The following BTG4 variants were observed in gnomAD, a reference collection of about 807,000 sequenced individuals.
BTG4 encodes protein BTG4.
BTG4 carries 10 observed loss-of-function variants against 19.3 expected under a neutral mutation model. That is an observed-to-expected ratio of 0.52 (90% CI 0.32 to 0.88). BTG4 has a LOEUF of 0.88. BTG4 is among the 40% of genes least tolerant of loss of function. The probability of loss-of-function intolerance (pLI) is 0.04; values close to 1 mark genes in which losing one functional copy is unlikely to be tolerated. For missense variants in BTG4, 238 were observed against 281.9 expected (o/e 0.84, Z 1.11); for synonymous variants, 91 against 95.7 (o/e 0.95, Z 0.29).
chr11:111,512,932 T>C (rs1430092493), upstream of BTG4: 3 of 445,058 alleles, frequency 6.7e-6, no homozygotes, highest in African/African-American at 4.2e-5. Context: ...CAGCCGCGGG[T>C]GCCCGGTGCT....
chr11:111,401,224 C>T, the BTG4 span, among the ~76,000 whole-genome samples: 17 of 152,114 alleles, frequency 1.1e-4, no homozygotes, highest in Non-Finnish European at 2.1e-4. Flanking sequence ...CAGTGGCTCA[C>T]GCCTGTAATC....
At chr11:111,501,290 G>C (rs1227659986) in intron 1 of BTG4, among the ~76,000 whole-genome samples, 1 of 152,118 alleles carries the variant, frequency 6.6e-6, no homozygotes, top group Non-Finnish European at 1.5e-5. Context: ...CTTGAGCCCA[G>C]AAGTTTGAGG....
intron 5 of BTG4, among the ~76,000 whole-genome samples, chr11:111,489,083 T>C (rs1243695046): frequency 6.6e-6 from 1 of 151,286 alleles, no homozygotes; most frequent in Non-Finnish European, 1.5e-5. Flanking sequence ...GCAGACGTTG[T>C]GGCGAACTGA....
At chr11:111,432,358 A>G in the BTG4 span, among the ~76,000 whole-genome samples, 3 of 152,226 alleles carry the variant, frequency 2.0e-5, no homozygotes, top group African/African-American at 7.2e-5. Flanking sequence ...TAAAGAAAAT[A>G]ACAGGCCAAG....
At chr11:111,423,702 C>T in the BTG4 span, among the ~76,000 whole-genome samples, 2 of 152,182 alleles carry the variant, frequency 1.3e-5, no homozygotes, top group African/African-American at 2.4e-5. Flanking sequence ...ATTTAATACA[C>T]AAAAACAATG....
At chr11:111,485,358 CA>C (rs1406815610) in intron 5 of BTG4, among the ~76,000 whole-genome samples, 1 of 152,078 alleles carries the variant, frequency 6.6e-6, no homozygotes, top group African/African-American at 2.4e-5. Flanking sequence ...TGTTAGGCCA[CA>C]AAACAAGTCT....
At chr11:111,404,483 C>A in the BTG4 span, 1 of 420,818 alleles carries the variant, frequency 2.4e-6, no homozygotes, top group South Asian at 1.7e-5. Flanking sequence ...TTTTCTAGGT[C>A]CCTAGAGAGG....
chr11:111,396,687 A>G, the BTG4 span: 1 of 152,258 alleles, frequency 6.6e-6, no homozygotes, highest in Non-Finnish European at 1.5e-5. Context: ...AGACTTGCCC[A>G]ATACGTATAC....
At chr11:111,478,666 A>G (rs1261134970) in intron 5 of BTG4, among the ~76,000 whole-genome samples, 1 of 152,190 alleles carries the variant, frequency 6.6e-6, no homozygotes, top group African/African-American at 2.4e-5. Context: ...CAGCAAAAAA[A>G]TCGAAGACAG....
At chr11:111,396,710 A>G in the BTG4 span, 1 of 152,234 alleles carries the variant, frequency 6.6e-6, no homozygotes, top group Non-Finnish European at 1.5e-5. Context: ...CCCTGAAATC[A>G]TTTCTAACCC....
At chr11:111,499,270 T>G (rs1296164637) in intron 1 of BTG4, among the ~76,000 whole-genome samples, 3 of 152,178 alleles carry the variant, frequency 2.0e-5, no homozygotes, top group Non-Finnish European at 4.4e-5. Context: ...CTAAGAAAAG[T>G]GGGCGAGACT....
At chr11:111,486,305 G>A (rs150058241) in intron 5 of BTG4, among the ~76,000 whole-genome samples, 2 of 152,200 alleles carry the variant, frequency 1.3e-5, no homozygotes, top group African/African-American at 4.8e-5. Context: ...ACACGGTGGT[G>A]TGCACCTGTA....
At chr11:111,476,811 A>G (rs1239010065) in intron 5 of BTG4, among the ~76,000 whole-genome samples, 1 of 152,228 alleles carries the variant, frequency 6.6e-6, no homozygotes, top group African/African-American at 2.4e-5. Flanking sequence ...AAACCAATGC[A>G]TAACTTTATA....
chr11:111,510,511 T>A (rs1866814050), intron 1 of BTG4, among the ~76,000 whole-genome samples: 1 of 152,150 alleles, frequency 6.6e-6, no homozygotes, highest in Non-Finnish European at 1.5e-5. Context: ...CATTCTTACT[T>A]AGATTAAATC....
At chr11:111,455,731 C>A in the BTG4 span, 5 of 434,620 alleles carry the variant, frequency 1.2e-5, no homozygotes, top group South Asian at 7.9e-5. Flanking sequence ...CTTTTCCCAC[C>A]CCTGATTGCT....
upstream of BTG4, chr11:111,513,131 C>T (rs1029993946): frequency 1.6e-5 from 6 of 383,422 alleles, no homozygotes; most frequent in Admixed American, 3.1e-5. Context: ...CGCAGCCTGC[C>T]CCGCGAGCGC....
At chr11:111,475,467 T>C (rs970824509) in intron 5 of BTG4, 4 of 152,138 alleles carry the variant, frequency 2.6e-5, no homozygotes, top group Admixed American at 6.6e-5. Context: ...TAGATGGATA[T>C]ATATATATAA....
At chr11:111,439,013 T>C in the BTG4 span, among the ~76,000 whole-genome samples, 1 of 152,234 alleles carries the variant, frequency 6.6e-6, no homozygotes, top group East Asian at 1.9e-4. Context: ...GGGTACTGGG[T>C]GTTACCTGAC....
the BTG4 span, among the ~76,000 whole-genome samples, chr11:111,447,993 T>C: frequency 3.3e-5 from 5 of 152,156 alleles, no homozygotes; most frequent in Admixed American, 2.0e-4. Context: ...CAGCGGTCTT[T>C]CTCAGCATCT....
Sources: gnomAD v4.1 joint callset for allele counts (sites outside exome capture counted in the v4.1 genomes callset) on GRCh38, gnomAD v4.1.1 for gene constraint, MANE v1.5 for transcripts, NCBI Gene and HGNC (gene_info 2026-07-23, HGNC 2026-07-21) for gene names.